PARD3: variants seen among roughly 807,000 people sequenced by gnomAD.
The protein encoded by PARD3 is partitioning defective 3 homolog.
A neutral mutation model predicts 155.4 loss-of-function variants in PARD3; 75 were observed. That is an observed-to-expected ratio of 0.48 (90% CI 0.40 to 0.58). The LOEUF is 0.58. Ranked by LOEUF, PARD3 falls within the 20% of genes least tolerant of loss-of-function variation. The probability of loss-of-function intolerance (pLI) is 0.00; values close to 1 mark genes in which losing one functional copy is unlikely to be tolerated. For missense variants in PARD3, 1,642 were observed against 1,721.7 expected, an observed-to-expected ratio of 0.95 and a Z score of 0.82; for synonymous variants, 576 against 610.5, an observed-to-expected ratio of 0.94 and a Z score of 0.83.
intron 22 of PARD3, among the ~76,000 whole-genome samples, chr10:34,168,367 T>C (rs1949635453): frequency 2.0e-5 from 3 of 152,216 alleles, no homozygotes; most frequent in South Asian, 2.1e-4. Context: ...ATAAAACATG[T>C]CACTAATTTT....
intron 2 of PARD3, 75 bp from the exon 3 acceptor site, chr10:34,517,234 CA>C (rs1157363927): frequency 7.4e-7 from 1 of 1,358,586 alleles, no homozygotes. Context: ...ACTATTTTGA[CA>C]TAATTCTACA....
At chr10:34,306,851 G>T (rs1232838724) in intron 20 of PARD3, among the ~76,000 whole-genome samples, 1 of 152,038 alleles carries the variant, frequency 6.6e-6, no homozygotes, top group Non-Finnish European at 1.5e-5. Context: ...ACCCCCAACA[G>T]AAGTTTCCAG....
chr10:34,243,646 G>C lies in PARD3; in HGVS notation c.3419+26011C>G, dbSNP rs527642417. On this transcript the variant is annotated intron_variant, in intron 22 of 24. Transcript: ENST00000374788. ...AGGTCAGGAGTTCCAGACCAGCCTG[G>C]CTAACATGGTGAAGCCCCGTCTCTA... is the stretch of plus-strand genomic sequence containing the variant. Among the ~76,000 whole-genome samples the C allele has an allele frequency of 5.3e-5, 8 of 152,288 alleles. No homozygotes were observed. The South Asian group carries it at 1.7e-3, about 32-fold the overall frequency.
At chr10:34,571,520 T>C (rs764564164) in intron 2 of PARD3, among the ~76,000 whole-genome samples, 2 of 152,194 alleles carry the variant, frequency 1.3e-5, no homozygotes, top group Non-Finnish European at 2.9e-5. Flanking sequence ...GGATTAACCA[T>C]TGCAAATCAG....
At chr10:34,181,677 A>G (rs1003178040) in intron 22 of PARD3, among the ~76,000 whole-genome samples, 1 of 152,068 alleles carries the variant, frequency 6.6e-6, no homozygotes, top group Non-Finnish European at 1.5e-5. Flanking sequence ...TTGTAACAGC[A>G]ACAGGTAGCC....
At chr10:34,812,673 C>T (rs1844337539) in intron 1 of PARD3, among the ~76,000 whole-genome samples, 5 of 152,148 alleles carry the variant, frequency 3.3e-5, no homozygotes, top group Admixed American at 2.6e-4. Context: ...TACTGCAAAG[C>T]CCCCGTTAAA....
At chr10:34,583,623 CAG>C (rs1355277139) in intron 2 of PARD3, among the ~76,000 whole-genome samples, 2 of 152,048 alleles carry the variant, frequency 1.3e-5, no homozygotes, top group Admixed American at 6.6e-5. Flanking sequence ...TGCCTTTACA[CAG>C]AGTTAAGAAA....
intron 20 of PARD3, among the ~76,000 whole-genome samples, chr10:34,285,662 T>G (rs1956351455): frequency 6.6e-6 from 1 of 152,122 alleles, no homozygotes; most frequent in Non-Finnish European, 1.5e-5. Flanking sequence ...TATTAATGGC[T>G]TGGTTGATAG....
chr10:34,211,723 T>G (rs1298330585), intron 22 of PARD3, among the ~76,000 whole-genome samples: 1 of 151,356 alleles, frequency 6.6e-6, no homozygotes, highest in East Asian at 1.9e-4. Context: ...GAGATTGCAG[T>G]GAGCCGAGAT....
intron 22 of PARD3, among the ~76,000 whole-genome samples, chr10:34,175,977 C>T (rs1356065901): frequency 1.3e-5 from 2 of 152,186 alleles, no homozygotes; most frequent in Non-Finnish European, 2.9e-5. Flanking sequence ...AGTCACTCAG[C>T]ATTCTTCACA....
At chr10:34,723,083 C>T (rs918825324) in intron 1 of PARD3, among the ~76,000 whole-genome samples, 5 of 152,096 alleles carry the variant, frequency 3.3e-5, no homozygotes, top group Admixed American at 2.6e-4. Context: ...GTGGCTTACA[C>T]CTATAATTCC....
chr10:34,315,377 A>G (rs185741635), intron 20 of PARD3, among the ~76,000 whole-genome samples: 27 of 152,300 alleles, frequency 1.8e-4, no homozygotes, highest in Admixed American at 1.8e-3. Context: ...ATGGAATTCT[A>G]AGATATTAGA....
At chr10:34,714,542 G>A (rs1412881693) in intron 1 of PARD3, among the ~76,000 whole-genome samples, 2 of 152,096 alleles carry the variant, frequency 1.3e-5, no homozygotes, top group African/African-American at 2.4e-5. Flanking sequence ...GCCATACCAC[G>A]GCACAGCTTA....
intron 2 of PARD3, among the ~76,000 whole-genome samples, chr10:34,559,037 A>AT (rs371540947): frequency 6.6e-6 from 1 of 150,468 alleles, no homozygotes; most frequent in African/African-American, 2.5e-5. Flanking sequence ...TTGAAAACTC[A>AT]TTTTTCCCCC....
At chr10:34,477,213 CCTT>C (rs1303505737) in intron 3 of PARD3, among the ~76,000 whole-genome samples, 26 of 152,090 alleles carry the variant, frequency 1.7e-4, no homozygotes, top group African/African-American at 6.0e-4. Flanking sequence ...TATGGCCACT[CCTT>C]ATCTCAAATT....
intron 3 of PARD3, among the ~76,000 whole-genome samples, chr10:34,473,646 A>C (rs1050388221): frequency 6.6e-6 from 1 of 152,218 alleles, no homozygotes; most frequent in Non-Finnish European, 1.5e-5. Flanking sequence ...GACTGGCTAA[A>C]ACAGGGCTGG....
intron 19 of PARD3, among the ~76,000 whole-genome samples, chr10:34,330,441 CAT>C (rs1298527505): frequency 6.6e-6 from 1 of 151,704 alleles, no homozygotes; most frequent in Non-Finnish European, 1.5e-5. Flanking sequence ...AATAAACACA[CAT>C]AAATATAGCT....
intron 2 of PARD3, among the ~76,000 whole-genome samples, chr10:34,542,165 T>C (rs2083655635): frequency 1.3e-5 from 2 of 151,628 alleles, no homozygotes; most frequent in Admixed American, 6.6e-5. Flanking sequence ...AAATAGGAAA[T>C]ATCAATGTAC....
At chr10:34,117,669 T>TG (rs529487599) in intron 24 of PARD3, among the ~76,000 whole-genome samples, 1 of 152,108 alleles carries the variant, frequency 6.6e-6, no homozygotes, top group African/African-American at 2.4e-5. Flanking sequence ...CCCAGCACTT[T>TG]GGGGGGCTAA....
Sources: allele counts gnomAD v4.1 joint callset (sites outside exome capture counted in the v4.1 genomes callset), GRCh38; gene constraint gnomAD v4.1.1; transcripts MANE v1.5; gene names NCBI Gene and HGNC (gene_info 2026-07-23, HGNC 2026-07-21).